Variants in ZMIZ1 observed in about 807,000 individuals in gnomAD.
ZMIZ1 encodes zinc finger MIZ domain-containing protein 1.
ZMIZ1 carries 17 observed loss-of-function variants against 113.9 expected under a neutral mutation model. The observed-to-expected ratio is 0.15, with a 90% CI of 0.10 to 0.22. The LOEUF (loss-of-function observed/expected upper bound fraction) is 0.22, where lower values mean the gene tolerates loss of function less well. Ranked by LOEUF, ZMIZ1 falls within the 10% of genes least tolerant of loss-of-function variation. The probability of loss-of-function intolerance (pLI) is 1.00; values close to 1 mark genes in which losing one functional copy is unlikely to be tolerated. For synonymous variants in ZMIZ1, 607 were observed against 603.1 expected, an observed-to-expected ratio of 1.01 and a Z score of -0.09; for missense variants, 1,059 against 1,477.8, an observed-to-expected ratio of 0.72 and a Z score of 4.65.
intron 14 of ZMIZ1, among the ~76,000 whole-genome samples, chr10:79,297,970 G>A (rs1180285677): frequency 7.2e-5 from 11 of 152,118 alleles, no homozygotes; most frequent in African/African-American, 2.2e-4. Context: ...TGCAGGCCCC[G>A]ACTCCACCTG....
At chr10:79,123,571 C>T (rs1035135098) in intron 2 of ZMIZ1, among the ~76,000 whole-genome samples, 4 of 152,070 alleles carry the variant, frequency 2.6e-5, no homozygotes, top group African/African-American at 4.8e-5. Context: ...CATGGTTGTG[C>T]GGTCTTTTAA....
At chr10:79,090,245 G>T (rs996557954) in intron 1 of ZMIZ1, among the ~76,000 whole-genome samples, 2 of 152,248 alleles carry the variant, frequency 1.3e-5, no homozygotes, top group African/African-American at 2.4e-5. Context: ...TTAGTGTTTT[G>T]TGGTGCCCCT....
At chr10:79,108,919 C>G (rs1162817260) in intron 1 of ZMIZ1, among the ~76,000 whole-genome samples, 2 of 151,906 alleles carry the variant, frequency 1.3e-5, no homozygotes, top group Non-Finnish European at 2.9e-5. Context: ...ATGCATGCAC[C>G]CAGACCCACG....
At chr10:79,133,023 C>T (rs949616008) in intron 2 of ZMIZ1, among the ~76,000 whole-genome samples, 3 of 152,146 alleles carry the variant, frequency 2.0e-5, no homozygotes, top group Non-Finnish European at 2.9e-5. Context: ...AAAGAACGGT[C>T]GGTGGAAAGA....
intron 10 of ZMIZ1, 63 bp from the exon 11 acceptor site, chr10:79,292,095 C>T: frequency 6.7e-7 from 1 of 1,485,872 alleles, no homozygotes; most frequent in South Asian, 1.2e-5. Flanking sequence ...CAGCCCACAG[C>T]TTGCCCTCAG....
chr10:79,204,970 AGGATGGAT>A (rs60981787), intron 5 of ZMIZ1, among the ~76,000 whole-genome samples: 5 of 150,980 alleles, frequency 3.3e-5, no homozygotes, highest in African/African-American at 7.3e-5. Context: ...TGATTCATTT[AGGATGGAT>A]GGATGGATGG....
At chr10:79,239,044 TTAAAGAC>T (rs1849705765) in intron 7 of ZMIZ1, among the ~76,000 whole-genome samples, 1 of 152,146 alleles carries the variant, frequency 6.6e-6, no homozygotes, top group South Asian at 2.1e-4. Context: ...CCCTTTCATC[TTAAAGAC>T]TAAGTGAAGA....
chr10:79,108,405 C>T (rs1053002386), intron 1 of ZMIZ1, among the ~76,000 whole-genome samples: 3 of 152,160 alleles, frequency 2.0e-5, no homozygotes, highest in Non-Finnish European at 4.4e-5. Flanking sequence ...CTGTTCACCC[C>T]ACCCACCCAT....
intron 1 of ZMIZ1, among the ~76,000 whole-genome samples, chr10:79,082,332 G>A (rs1322545736): frequency 3.3e-5 from 5 of 152,188 alleles, no homozygotes; most frequent in Non-Finnish European, 7.4e-5. Flanking sequence ...CTTGCATTCC[G>A]CCTTGGGTGG....
intron 7 of ZMIZ1, among the ~76,000 whole-genome samples, chr10:79,218,444 C>T (rs955090315): frequency 1.2e-4 from 18 of 152,084 alleles, no homozygotes; most frequent in African/African-American, 4.1e-4. Context: ...CACTGCATTC[C>T]AGCCTGGGTG....
At chr10:79,143,814 T>C (rs1845371667) in intron 3 of ZMIZ1, among the ~76,000 whole-genome samples, 1 of 150,960 alleles carries the variant, frequency 6.6e-6, no homozygotes. Flanking sequence ...GAGAGAAGAG[T>C]GTGTCCAGGC....
intron 8 of ZMIZ1, among the ~76,000 whole-genome samples, chr10:79,282,135 C>T (rs534076582): frequency 1.3e-5 from 2 of 152,354 alleles, no homozygotes; most frequent in South Asian, 4.1e-4. Context: ...AGGGAAACTG[C>T]AACGGGGTCC....
chr10:79,081,799 G>C (rs56196126), intron 1 of ZMIZ1, among the ~76,000 whole-genome samples: 19,886 of 152,226 alleles, frequency 0.13, 1,414 homozygotes, highest in East Asian at 0.2. Context: ...GGGGGCTGTC[G>C]CACGAGTCCA....
intron 7 of ZMIZ1, among the ~76,000 whole-genome samples, chr10:79,261,599 G>T (rs1851276887): frequency 6.6e-6 from 1 of 152,246 alleles, no homozygotes; most frequent in Admixed American, 6.5e-5. Flanking sequence ...GCAGGACCTA[G>T]TTCAGTTCTT....
intron 4 of ZMIZ1, among the ~76,000 whole-genome samples, chr10:79,167,724 C>T (rs1846417836): frequency 6.6e-6 from 1 of 152,230 alleles, no homozygotes; most frequent in African/African-American, 2.4e-5. Context: ...ACGTATTGGC[C>T]AGTCCTGCCC....
chr10:79,178,000 C>T, intron 4 of ZMIZ1, among the ~76,000 whole-genome samples: 1 of 152,156 alleles, frequency 6.6e-6, no homozygotes, highest in East Asian at 1.9e-4. Flanking sequence ...TCCTTAATGG[C>T]CACATGGTGG....
At chr10:79,127,217 G>A (rs755441743) in intron 2 of ZMIZ1, among the ~76,000 whole-genome samples, 26 of 152,184 alleles carry the variant, frequency 1.7e-4, no homozygotes, top group African/African-American at 2.9e-4. Context: ...CCGGCGCTCT[G>A]GGTGCCTGGT....
intron 2 of ZMIZ1, among the ~76,000 whole-genome samples, chr10:79,139,294 G>T (rs1423263435): frequency 2.6e-5 from 4 of 152,154 alleles, no homozygotes; most frequent in Non-Finnish European, 5.9e-5. Flanking sequence ...CAGAGAGGAG[G>T]CCACGGCAAG....
chr10:79,310,692 C>T (rs1855081738), intron 23 of ZMIZ1, among the ~76,000 whole-genome samples: 1 of 152,104 alleles, frequency 6.6e-6, no homozygotes, highest in South Asian at 2.1e-4. Context: ...CCTGGGGCTC[C>T]ACGTGGCCCG....
Sources: allele counts gnomAD v4.1 joint callset (sites outside exome capture counted in the v4.1 genomes callset), GRCh38; gene constraint gnomAD v4.1.1; transcripts MANE v1.5; gene names NCBI Gene and HGNC (gene_info 2026-07-23, HGNC 2026-07-21).